LATS2: variants seen among roughly 807,000 people sequenced by gnomAD.
LATS2 encodes the protein large tumor suppressor kinase 2, also known as serine/threonine-protein kinase LATS2.
A neutral mutation model predicts 76.0 loss-of-function variants in LATS2; 24 were observed. The observed-to-expected ratio is 0.32, with a 90% CI of 0.23 to 0.44. LATS2 has a LOEUF of 0.44. LATS2 is among the 20% of genes least tolerant of loss of function. LATS2 has a pLI of 1.00. For missense variants in LATS2, 1,286 were observed against 1,481.2 expected (o/e 0.87, Z 2.16); for synonymous variants, 692 against 635.4 (o/e 1.09, Z -1.34).
At chr13:21,051,348 A>T (rs1246564116) in intron 1 of LATS2, among the ~76,000 whole-genome samples, 2 of 152,236 alleles carry the variant, frequency 1.3e-5, no homozygotes, top group Non-Finnish European at 2.9e-5. Context: ...GGAGAAAATC[A>T]ATTATTTAAA....
At chr13:21,049,982 G>A (rs1873207193) in intron 1 of LATS2, among the ~76,000 whole-genome samples, 1 of 151,952 alleles carries the variant, frequency 6.6e-6, no homozygotes, top group African/African-American at 2.4e-5. Context: ...TTAGCCAGGT[G>A]TGACAGCACA....
intron 2 of LATS2, among the ~76,000 whole-genome samples, chr13:21,009,307 C>A (rs889791930): frequency 1.3e-5 from 2 of 152,178 alleles, no homozygotes; most frequent in Admixed American, 1.3e-4. Flanking sequence ...AGCCTTGGAG[C>A]ACTTTGCAAA....
At chr13:21,020,385 C>A (rs1459398618) in intron 2 of LATS2, among the ~76,000 whole-genome samples, 3 of 152,214 alleles carry the variant, frequency 2.0e-5, no homozygotes, top group African/African-American at 7.2e-5. Context: ...CAACCTAATA[C>A]AACCAGAAAG....
chr13:20,981,437 T>G, intron 6 of LATS2, 29 bp downstream of exon 6: 1 of 1,597,094 alleles, frequency 6.3e-7, no homozygotes, highest in Non-Finnish European at 8.5e-7. Flanking sequence ...GGAGACCTCC[T>G]GCGGGGTGGC....
chr13:20,977,643 TA>T (rs11315000), intron 7 of LATS2, among the ~76,000 whole-genome samples: 17 of 83,478 alleles, frequency 2.0e-4, no homozygotes, highest in East Asian at 1.2e-3. Flanking sequence ...TTAAAATAAT[TA>T]AGATGGTAAA....
chr13:21,034,300 A>C (rs957552396), intron 2 of LATS2, among the ~76,000 whole-genome samples: 5 of 152,340 alleles, frequency 3.3e-5, no homozygotes, highest in Non-Finnish European at 7.4e-5. Flanking sequence ...ACCAAGGTCC[A>C]GCTTCCCTTT....
intron 1 of LATS2, among the ~76,000 whole-genome samples, chr13:21,054,687 G>A (rs1045301834): frequency 6.6e-6 from 1 of 152,066 alleles, no homozygotes; most frequent in Non-Finnish European, 1.5e-5. Flanking sequence ...TTTCTATGTC[G>A]ATGTCTGTTT....
chr13:21,029,261 G>T (rs989409241), intron 2 of LATS2, among the ~76,000 whole-genome samples: 1 of 152,146 alleles, frequency 6.6e-6, no homozygotes, highest in Non-Finnish European at 1.5e-5. Context: ...TTCCTAGTTT[G>T]GTGATAGCTT....
At position 21,039,296 on chromosome 13, in the gene LATS2, C is replaced by T. The variant is rs117194822; in HGVS notation, c.342+6389G>A. ...AGCACGCGTGTTCAGTAACACCAAA[C>T]GGTGGTTCCCTTTCAAGAGGAAGTG... On this transcript the variant is annotated intron_variant, in intron 2 of 7. Coordinates refer to ENST00000382592, the MANE Select transcript of LATS2 (RefSeq NM_014572.3). Among the ~76,000 whole-genome samples the T allele has an allele frequency of 1.5e-4, 23 of 152,274 alleles. No individual in the cohort carries two copies. The East Asian group carries it at 3.9e-3, about 26-fold the overall frequency.
chr13:20,990,744 G>A (rs1036868216), intron 3 of LATS2, among the ~76,000 whole-genome samples: 1 of 152,118 alleles, frequency 6.6e-6, no homozygotes, highest in African/African-American at 2.4e-5. Context: ...TCCATAGCCA[G>A]TAAAAAGCAG....
intron 2 of LATS2, among the ~76,000 whole-genome samples, chr13:21,041,604 T>C (rs1049533201): frequency 6.6e-6 from 1 of 152,028 alleles, no homozygotes; most frequent in Non-Finnish European, 1.5e-5. Flanking sequence ...CCTCAGCAGA[T>C]CAGAGGGAGG....
At chr13:21,019,953 A>G (rs1009105918) in intron 2 of LATS2, among the ~76,000 whole-genome samples, 4 of 151,030 alleles carry the variant, frequency 2.6e-5, no homozygotes, top group African/African-American at 9.7e-5. Flanking sequence ...CAGCCTGCGT[A>G]ACAGGAGTGA....
intron 2 of LATS2, among the ~76,000 whole-genome samples, chr13:20,995,851 T>C (rs1870728700): frequency 6.6e-6 from 1 of 152,244 alleles, no homozygotes; most frequent in Non-Finnish European, 1.5e-5. Context: ...GTGTGTATCA[T>C]GCACTATTTA....
In LATS2 at chr13:20,973,977, C is replaced by CG. The variant is rs1869462130; in HGVS notation, c.*892_*893insC. ...ATATGACAAATGTTTCAGTTCCCCC[C>CG]CCCCAAAGAATCCAATCACAACCAA... is the stretch of plus-strand genomic sequence containing the variant. On this transcript the variant is annotated 3_prime_UTR_variant, in exon 8 of 8. Transcript: ENST00000382592. The CG allele has an allele frequency of 5.1e-6, 1 of 197,254 alleles. No homozygotes were observed. The highest frequency in any genetic ancestry group is 1.0e-5 in the Non-Finnish European group (1 of 99,056). The allele number at this position is 197,254 out of a possible 1,614,324, so 12.2% of individuals were successfully genotyped here. A position where few individuals can be genotyped will look rare whatever the true frequency, so the allele number is the denominator to read the frequency against.
intron 7 of LATS2, among the ~76,000 whole-genome samples, chr13:20,977,213 T>C (rs982838762): frequency 6.6e-6 from 1 of 151,770 alleles, no homozygotes; most frequent in African/African-American, 2.4e-5. Context: ...CTGACCAACA[T>C]GATGAAGCCA....
At chr13:21,015,909 G>A (rs1406033463) in intron 2 of LATS2, among the ~76,000 whole-genome samples, 5 of 151,872 alleles carry the variant, frequency 3.3e-5, no homozygotes, top group African/African-American at 1.2e-4. Flanking sequence ...ATGTTGGTCA[G>A]GCTGGTCTTG....
At chr13:21,007,585 ATAG>A (rs1242526457) in intron 2 of LATS2, among the ~76,000 whole-genome samples, 2 of 15,872 alleles carry the variant, frequency 1.3e-4, no homozygotes, top group Non-Finnish European at 1.7e-4. Flanking sequence ...ATATATATAT[ATAG>A]TATATATATA....
intron 1 of LATS2, among the ~76,000 whole-genome samples, chr13:21,050,188 T>C (rs1873225367): frequency 1.2e-5 from 1 of 83,404 alleles, no homozygotes; most frequent in African/African-American, 3.7e-5. Flanking sequence ...GGAAAGCTGC[T>C]GAAAGCCAGG....
At chr13:20,990,457 T>C (rs1284765909) in intron 3 of LATS2, among the ~76,000 whole-genome samples, 1 of 138,534 alleles carries the variant, frequency 7.2e-6, no homozygotes, top group Non-Finnish European at 1.5e-5. Context: ...TGCTAATTAC[T>C]AGGATTTTTT....
Sources: gnomAD v4.1 joint callset for allele counts (sites outside exome capture counted in the v4.1 genomes callset) on GRCh38, gnomAD v4.1.1 for gene constraint, MANE v1.5 for transcripts, NCBI Gene and HGNC (gene_info 2026-07-23, HGNC 2026-07-21) for gene names.